LUZP1: variants seen among roughly 807,000 people sequenced by gnomAD.
LUZP1 encodes filamin mechanobinding actin cross-linking protein.
Under a neutral mutation model 71.3 loss-of-function variants are expected in LUZP1, and 25 were observed. That is an observed-to-expected ratio of 0.35 (90% confidence interval 0.26 to 0.49). The LOEUF (loss-of-function observed/expected upper bound fraction) is 0.49. Ranked by LOEUF, LUZP1 falls within the 20% of genes least tolerant of loss-of-function variation. The probability of loss-of-function intolerance (pLI) is 0.99; values close to 1 mark genes in which losing one functional copy is unlikely to be tolerated. For missense variants in LUZP1, 1,142 were observed against 1,300.8 expected, an observed-to-expected ratio of 0.88 and a Z score of 1.88; for synonymous variants, 481 against 506.4, an observed-to-expected ratio of 0.95 and a Z score of 0.67.
chr1:23,160,662 T>C (rs185019613), intron 2 of LUZP1, among the ~76,000 whole-genome samples: 2 of 152,216 alleles, frequency 1.3e-5, no homozygotes, highest in Non-Finnish European at 2.9e-5. Flanking sequence ...ATAAATATCA[T>C]TGGTCATCAA....
At chr1:23,135,576 T>C (rs983759963) in intron 2 of LUZP1, among the ~76,000 whole-genome samples, 73 of 152,288 alleles carry the variant, frequency 4.8e-4, no homozygotes, top group African/African-American at 1.7e-3. Context: ...ATACATCATT[T>C]TAATCAGGAT....
chr1:23,106,775 A>G (rs1298757631), intron 3 of LUZP1, among the ~76,000 whole-genome samples: 1 of 152,140 alleles, frequency 6.6e-6, no homozygotes, highest in Non-Finnish European at 1.5e-5. Context: ...TGATTACTGC[A>G]AAAGCTTCCT....
At chr1:23,098,320 G>GGGTACCA (rs1040290767) in intron 3 of LUZP1, among the ~76,000 whole-genome samples, 2 of 152,206 alleles carry the variant, frequency 1.3e-5, no homozygotes, top group Non-Finnish European at 2.9e-5. Flanking sequence ...GTTGGAGTAA[G>GGGTACCA]GGTACCAGGT....
chr1:23,133,589 C>G (rs1252364546), intron 2 of LUZP1: 1 of 151,990 alleles, frequency 6.6e-6, no homozygotes, highest in African/African-American at 2.4e-5. Flanking sequence ...ATGGTGAAAC[C>G]CTGTTTCTAC....
At chr1:23,160,773 T>C (rs1236323568) in intron 2 of LUZP1, among the ~76,000 whole-genome samples, 1 of 152,138 alleles carries the variant, frequency 6.6e-6, no homozygotes, top group Non-Finnish European at 1.5e-5. Flanking sequence ...ATTAGCTAAT[T>C]AAGATATTAA....
chr1:23,153,697 C>CA lies in LUZP1; in HGVS notation c.-226+15068dup, dbSNP rs1257208768. Among the ~76,000 whole-genome samples the CA allele has an allele frequency of 1.3e-5, 2 of 151,692 alleles. 1 individual carries two copies. Among genetic ancestry groups the CA allele is most frequent in the Non-Finnish European group, 3.0e-5 (2 of 67,772 alleles). The stretch of plus-strand genomic sequence containing the variant: ...GTTTTGTTTTGTTTTGTTTTTAAGA[C>CA]AGAGTCGCAGCCAGTCATGGCACTT... On this transcript the variant is annotated intron_variant, in intron 2 of 4. Transcript: ENST00000302291.
At position 23,162,433 on chromosome 1, in the gene LUZP1, T is replaced by A. The variant is rs1359323137; in HGVS notation, c.-226+6333A>T. 2.0e-5 allele frequency among the ~76,000 whole-genome samples: 3 copies of A among 151,698 alleles called. No individual in the cohort carries two copies. In the East Asian group the frequency reaches 5.8e-4, roughly 29 times the overall value. On this transcript the variant is annotated intron_variant, in intron 2 of 4. Coordinates refer to ENST00000302291, the Ensembl canonical transcript of LUZP1. Reference sequence around the variant, plus strand: ...AATCATAAAGTTTTTAATAACGTAATATACTTTTATTTTTTTTTTTTTTGA... The same window carrying A: ...AATCATAAAGTTTTTAATAACGTAAAATACTTTTATTTTTTTTTTTTTTGA...
chr1:23,160,163 C>T (rs908839085), intron 2 of LUZP1, among the ~76,000 whole-genome samples: 1 of 152,176 alleles, frequency 6.6e-6, no homozygotes, highest in Non-Finnish European at 1.5e-5. Context: ...AACTAAGTTG[C>T]TACTAATTTA....
chr1:23,142,070 T>C (rs1379754179), intron 2 of LUZP1, among the ~76,000 whole-genome samples: 1 of 152,006 alleles, frequency 6.6e-6, no homozygotes, highest in Non-Finnish European at 1.5e-5. Flanking sequence ...GGTCTTGAAC[T>C]CCCAACCTCA....
At chr1:23,153,793 C>G (rs927619186) in intron 2 of LUZP1, among the ~76,000 whole-genome samples, 1 of 152,116 alleles carries the variant, frequency 6.6e-6, no homozygotes, top group Admixed American at 6.6e-5. Flanking sequence ...ATATTACCCA[C>G]AAACGGTGGT....
At chr1:23,125,069 C>G (rs533834124) in intron 2 of LUZP1, among the ~76,000 whole-genome samples, 7 of 152,142 alleles carry the variant, frequency 4.6e-5, no homozygotes, top group Non-Finnish European at 1.0e-4. Flanking sequence ...GGACTCAAAT[C>G]ATACTACTAG....
At chr1:23,152,876 T>C (rs1644395021) in intron 2 of LUZP1, among the ~76,000 whole-genome samples, 2 of 152,108 alleles carry the variant, frequency 1.3e-5, no homozygotes, top group South Asian at 4.1e-4. Context: ...CACTTTCTTT[T>C]CTTCTTTCTC....
At position 23,111,163 on chromosome 1, in the gene LUZP1, GCA is replaced by G. The variant is rs540002037; in HGVS notation, c.-225-2038_-225-2037del. Among the ~76,000 whole-genome samples the G allele has an allele frequency of 3.9e-3, 561 of 143,334 alleles. 4 individuals carry two copies. The highest frequency in any genetic ancestry group is 0.014 in the African/African-American group (534 of 38,094). 94.0% of individuals were successfully genotyped at this position (143,334 alleles called of 152,430 possible). A position where few individuals can be genotyped will look rare whatever the true frequency, so the allele number is the denominator to read the frequency against. ...TGTGGTGAGCCCAGATCGCGCCACT[GCA>G]CTCCAGCCTGGGCGACACAGTGAGA... On this transcript the variant is annotated intron_variant, in intron 2 of 4. Transcript: ENST00000302291.
At chr1:23,129,618 A>C (rs1171945583) in intron 2 of LUZP1, among the ~76,000 whole-genome samples, 1 of 152,134 alleles carries the variant, frequency 6.6e-6, no homozygotes, top group Admixed American at 6.6e-5. Context: ...GAACTTCAGA[A>C]TCTTGCAACA....
chr1:23,139,019 A>AAATATATATATAT (rs1317355746), intron 2 of LUZP1, among the ~76,000 whole-genome samples: 6 of 59,954 alleles, frequency 1.0e-4, no homozygotes, highest in Admixed American at 2.7e-4. Context: ...AAAAAAAAAA[A>AAATATATATATAT]ATATATATAT....
Position 23,094,548 on chromosome 1 carries a change from T to C in LUZP1, c.-119-168A>G, listed in dbSNP as rs757240083. ...AAACCTGCAAGAAAACACTGGTTCT[T>C]TATGGCCGATATTGAGTTGATACCT... On this transcript the variant is annotated intron_variant, in intron 3 of 4. Coordinates refer to ENST00000302291, the Ensembl canonical transcript of LUZP1. This position sits in a 1 kb window ranked among gnomAD's most constrained non-coding sequence, Gnocchi z 4.7. Among the ~76,000 whole-genome samples the C allele has an allele frequency of 6.6e-5, 10 of 152,176 alleles. No homozygotes were observed. Among genetic ancestry groups the C allele is most frequent in the Non-Finnish European group, 1.5e-4 (10 of 68,034 alleles).
chr1:23,155,818 C>T (rs1359459033), intron 2 of LUZP1, among the ~76,000 whole-genome samples: 5 of 151,848 alleles, frequency 3.3e-5, no homozygotes, highest in Admixed American at 2.0e-4. Flanking sequence ...AAAATTAACA[C>T]TTAAATGAGC....
intron 2 of LUZP1, among the ~76,000 whole-genome samples, chr1:23,158,160 A>G (rs1451415341): frequency 6.6e-6 from 1 of 152,216 alleles, no homozygotes; most frequent in Non-Finnish European, 1.5e-5. Flanking sequence ...AAACAACTGA[A>G]ATTGTCTAAT....
intron 3 of LUZP1, among the ~76,000 whole-genome samples, chr1:23,098,095 C>T (rs1477435423): frequency 1.2e-4 from 18 of 152,190 alleles, no homozygotes; most frequent in Admixed American, 1.2e-3. Context: ...TCTTTTTCTC[C>T]AGTCTTGTTC....
Sources: gnomAD v4.1 joint callset for allele counts (sites outside exome capture counted in the v4.1 genomes callset) on GRCh38, gnomAD v4.1.1 for gene constraint, Gnocchi (gnomAD v3.1) non-coding constraint, MANE v1.5 for transcripts, NCBI Gene and HGNC (gene_info 2026-07-23, HGNC 2026-07-21) for gene names.